Variants in B3GALT1 observed in about 807,000 individuals in gnomAD.
B3GALT1 encodes beta-1,3-galactosyltransferase 1, also known as UDP-Gal:betaGlcNAc beta 1,3-galactosyltransferase, polypeptide 1.
Under a neutral mutation model 23.2 loss-of-function variants are expected in B3GALT1, and 10 were observed. The ratio of observed to expected loss-of-function variants is 0.43; its 90% CI spans 0.27 to 0.73. The LOEUF is 0.73. Among genes scored for constraint, B3GALT1 ranks in the 30% least tolerant of loss-of-function variants. B3GALT1 has a pLI of 0.21. For missense variants in B3GALT1, 299 were observed against 405.4 expected (o/e 0.74, Z 2.25); for synonymous variants, 156 against 141.5 (o/e 1.10, Z -0.73).
chr2:167,447,385 A>G (rs1459287764), intron 1 of B3GALT1, among the ~76,000 whole-genome samples: 1 of 152,108 alleles, frequency 6.6e-6, no homozygotes, highest in African/African-American at 2.4e-5. Context: ...ACTCTCTTCA[A>G]AGCTGTCAGA....
At chr2:167,562,489 T>C (rs998634470) in intron 2 of B3GALT1, among the ~76,000 whole-genome samples, 3 of 152,022 alleles carry the variant, frequency 2.0e-5, no homozygotes, top group African/African-American at 7.3e-5. Context: ...ATAAAGGGTA[T>C]TCAATTAGGA....
intron 2 of B3GALT1, among the ~76,000 whole-genome samples, chr2:167,609,070 G>T (rs1410096558): frequency 6.6e-6 from 1 of 152,068 alleles, no homozygotes; most frequent in Non-Finnish European, 1.5e-5. Flanking sequence ...GTTGCTTCTT[G>T]AAAATGGGAC....
At chr2:167,618,542 T>A (rs1472056533) in intron 2 of B3GALT1, among the ~76,000 whole-genome samples, 1 of 152,022 alleles carries the variant, frequency 6.6e-6, no homozygotes, top group East Asian at 1.9e-4. Context: ...AAGGTAACAG[T>A]GAAACATTAG....
intron 3 of B3GALT1, among the ~76,000 whole-genome samples, chr2:167,658,538 T>A (rs1685996576): frequency 6.6e-6 from 1 of 152,088 alleles, no homozygotes. Context: ...CTAACTCCAC[T>A]TTAGAGGCTT....
chr2:167,388,388 C>T (rs1345572861), intron 1 of B3GALT1, among the ~76,000 whole-genome samples: 2 of 152,062 alleles, frequency 1.3e-5, no homozygotes, highest in African/African-American at 2.4e-5. Context: ...TCCAAAGCGT[C>T]GGAAGGAGAA....
chr2:167,525,801 A>G (rs1683210010), intron 2 of B3GALT1, among the ~76,000 whole-genome samples: 1 of 149,150 alleles, frequency 6.7e-6, no homozygotes, highest in South Asian at 2.1e-4. Context: ...TTTTGTAGAG[A>G]CAGGGTCCGC....
chr2:167,744,669 G>T (rs1244468502), intron 3 of B3GALT1, among the ~76,000 whole-genome samples: 1 of 151,790 alleles, frequency 6.6e-6, no homozygotes, highest in Non-Finnish European at 1.5e-5. Flanking sequence ...ACGGCTCACT[G>T]CAACCTCCAC....
chr2:167,701,786 G>A (rs1204851341), intron 3 of B3GALT1, among the ~76,000 whole-genome samples: 1 of 152,070 alleles, frequency 6.6e-6, no homozygotes, highest in Non-Finnish European at 1.5e-5. Flanking sequence ...TTGGCATAAC[G>A]TTTCCTGGCC....
chr2:167,362,876 G>A (rs1697519025), intron 1 of B3GALT1, among the ~76,000 whole-genome samples: 1 of 152,088 alleles, frequency 6.6e-6, no homozygotes, highest in Non-Finnish European at 1.5e-5. Flanking sequence ...ATTTTTTTGA[G>A]ACGGAGTCTC....
intron 2 of B3GALT1, among the ~76,000 whole-genome samples, chr2:167,645,712 C>T (rs933320484): frequency 6.6e-6 from 1 of 151,902 alleles, no homozygotes; most frequent in Admixed American, 6.6e-5. Context: ...GGATTACAGG[C>T]ATGAGCCACC....
chr2:167,463,337 G>A (rs1206214215), intron 1 of B3GALT1, among the ~76,000 whole-genome samples: 2 of 151,870 alleles, frequency 1.3e-5, no homozygotes, highest in African/African-American at 4.8e-5. Flanking sequence ...GAAGTGTAAG[G>A]TTCTCCACGT....
intron 2 of B3GALT1, among the ~76,000 whole-genome samples, chr2:167,614,341 TA>T (rs1241927301): frequency 6.6e-6 from 1 of 150,508 alleles, no homozygotes; most frequent in African/African-American, 2.4e-5. Flanking sequence ...GGAAGATACT[TA>T]AAAGAGACAA....
chr2:167,356,963 C>T (rs927513266), intron 1 of B3GALT1, among the ~76,000 whole-genome samples: 1 of 151,814 alleles, frequency 6.6e-6, no homozygotes, highest in African/African-American at 2.4e-5. Flanking sequence ...TTTTAATAGA[C>T]AAATCATTAA....
chr2:167,492,298 T>C (rs1012175296), intron 2 of B3GALT1, among the ~76,000 whole-genome samples: 1 of 152,244 alleles, frequency 6.6e-6, no homozygotes, highest in Non-Finnish European at 1.5e-5. Flanking sequence ...TCTATGTTTT[T>C]CTGTGGCTTA....
chr2:167,481,289 A>C (rs76411848), intron 1 of B3GALT1, among the ~76,000 whole-genome samples: 3,204 of 152,288 alleles, frequency 0.021, 114 homozygotes, highest in African/African-American at 0.073. Flanking sequence ...CCGCTACAGA[A>C]CAAACCCACA....
chr2:167,371,810 A>G (rs1697690909), intron 1 of B3GALT1, among the ~76,000 whole-genome samples: 1 of 49,030 alleles, frequency 2.0e-5, no homozygotes, highest in East Asian at 1.3e-3. Context: ...AAATATTAAG[A>G]TGATATTTTT....
chr2:167,628,368 A>G (rs1685381589), intron 2 of B3GALT1, among the ~76,000 whole-genome samples: 1 of 151,646 alleles, frequency 6.6e-6, no homozygotes, highest in Non-Finnish European at 1.5e-5. Flanking sequence ...GATTGCATCT[A>G]CAGTCATTCT....
intron 4 of B3GALT1, among the ~76,000 whole-genome samples, chr2:167,836,980 G>C (rs1193107778): frequency 6.6e-6 from 1 of 152,142 alleles, no homozygotes; most frequent in Non-Finnish European, 1.5e-5. Context: ...CAAATGCTGA[G>C]AGATTTTGTC....
At chr2:167,515,591 A>G (rs1700088939) in intron 2 of B3GALT1, among the ~76,000 whole-genome samples, 1 of 152,132 alleles carries the variant, frequency 6.6e-6, no homozygotes, top group African/African-American at 2.4e-5. Context: ...TTTTGTCTTT[A>G]TACTGAGTAT....
Sources: gnomAD v4.1 joint callset for allele counts (sites outside exome capture counted in the v4.1 genomes callset) on GRCh38, gnomAD v4.1.1 for gene constraint, MANE v1.5 for transcripts, NCBI Gene and HGNC (gene_info 2026-07-23, HGNC 2026-07-21) for gene names.